The following ZNF677 variants were observed in gnomAD, a reference collection of about 807,000 sequenced individuals.
ZNF677 encodes hypothetical protein MGC48625.
A neutral mutation model predicts 8.1 loss-of-function variants in ZNF677; 5 were observed. That is an observed-to-expected ratio of 0.62 (90% CI 0.32 to 1.29). ZNF677 has a LOEUF of 1.29. Among genes scored for constraint, ZNF677 ranks in the 50% most tolerant of loss-of-function variants. ZNF677 has a pLI of 0.05. For synonymous variants in ZNF677, 221 were observed against 225.6 expected (o/e 0.98, Z 0.18); for missense variants, 685 against 685.9 (o/e 1.00, Z 0.01).
intron 4 of ZNF677, chr19:53,243,501 G>A (rs1008921975): frequency 1.1e-5 from 6 of 535,620 alleles, no homozygotes; most frequent in African/African-American, 2.0e-5. Flanking sequence ...ACTTTAAAAC[G>A]TTTTCCATAA....
chr19:53,238,677 TCAACTGTCTTTAAACGTTTAA>T (rs2146931908), intron 4 of ZNF677, 120 bp from the exon 5 acceptor site: 1 of 944,848 alleles, frequency 1.1e-6, no homozygotes, highest in South Asian at 2.0e-5. Context: ...ATGAAGCTTC[TCAACTGTCTTTAAACGTTTAA>T]CAACACAAAG....
intron 4 of ZNF677, 99 bp from the exon 5 acceptor site, chr19:53,238,656 T>C: frequency 8.6e-7 from 1 of 1,166,510 alleles, no homozygotes; most frequent in East Asian, 2.6e-5. Flanking sequence ...AGATTTACAA[T>C]GAACAGAGTT....
At chr19:53,249,606 T>C (rs1266355690) in intron 3 of ZNF677, 1 of 152,200 alleles carries the variant, frequency 6.6e-6, no homozygotes, top group Non-Finnish European at 1.5e-5. Flanking sequence ...TTCTCTTCCA[T>C]TGAAAAGAAT....
At position 53,237,587 on chromosome 19, in the gene ZNF677, A is replaced by C. The variant is rs769589020; in HGVS notation, c.1140T>G (p.Cys380Trp). 1.9e-6 allele frequency: 3 copies of C among 1,613,806 alleles called. No homozygotes were observed. Among genetic ancestry groups the C allele is most frequent in the Non-Finnish European group, 2.5e-6 (3 of 1,179,886 alleles). ...TGEKPYKCNE[C>W]DKAFAERSSL... ...TTGAACGTTCAGCAAAGGCTTTGTCACATTCATTACATTTGTAAGGTTTCT... is the reference window on the plus strand; with the variant it reads ...TTGAACGTTCAGCAAAGGCTTTGTCCCATTCATTACATTTGTAAGGTTTCT... Residue 380 changes from cysteine (C) to tryptophan (W), a missense_variant, in exon 5 of 5, where the codon TGT (cysteine) becomes TGG (tryptophan). By Grantham distance (215) the Cys-to-Trp change is radical. Transcript: ENST00000598513.
At position 53,235,393 on chromosome 19, in the gene ZNF677, A is replaced by G. The variant is rs2090964891; in HGVS notation, c.*1579T>C. On this transcript the variant is annotated 3_prime_UTR_variant, in exon 5 of 5. Transcript: ENST00000598513. Reference sequence around the variant, plus strand: ...GGCACACGATTCATTCAGGGTTACTAAAAATGATTATATTTTACTAATTAA... The same window carrying G: ...GGCACACGATTCATTCAGGGTTACTGAAAATGATTATATTTTACTAATTAA... 1 of 152,174 alleles carries G rather than the reference A, an allele frequency of 6.6e-6. No individual in the cohort carries two copies. Among genetic ancestry groups the G allele is most frequent in the African/African-American group, 2.4e-5 (1 of 41,430 alleles). The allele number at this position is 152,174 out of a possible 1,614,324, so 9.4% of individuals were successfully genotyped here. A position where few individuals can be genotyped will look rare whatever the true frequency, so the allele number is the denominator to read the frequency against.
chr19:53,242,489 G>C (rs2091068617), intron 4 of ZNF677: 3 of 398,186 alleles, frequency 7.5e-6, no homozygotes, highest in Non-Finnish European at 1.3e-5. Context: ...TCAAAAAGAG[G>C]ATCTCTCTGT....
Position 53,237,108 on chromosome 19 carries a change from T to C in ZNF677, c.1619A>G (p.Lys540Arg), listed in dbSNP as rs753393628. 2.5e-6 allele frequency: 4 copies of C among 1,613,950 alleles called. No individual in the cohort carries two copies. The highest frequency in any genetic ancestry group is 2.2e-5 in the East Asian group (1 of 44,868). Reference sequence around the variant, plus strand: ...ATGTATATTATGTTTACAATGTTTCTTTTCAATGTGTATTTTCTGGTGTCT... The same window carrying C: ...ATGTATATTATGTTTACAATGTTTCCTTTCAATGTGTATTTTCTGGTGTCT... ...LTRHQKIHIE[K>R]KHCKHNIHGN... Residue 540 changes from lysine (K) to arginine (R), a missense_variant, in exon 5 of 5, where the codon AAG becomes AGG. Coordinates refer to ENST00000598513, the MANE Select transcript of ZNF677 (RefSeq NM_182609.4).
chr19:53,237,881 CTGA>C lies in ZNF677; in HGVS notation c.843_845del (p.His281del), dbSNP rs772042574. 1.8e-5 allele frequency: 29 copies of C among 1,613,424 alleles called. No individual in the cohort carries two copies. Among genetic ancestry groups the C allele is most frequent in the Admixed American group, 1.0e-4 (6 of 59,992 alleles). On this transcript the variant is annotated inframe_deletion, in exon 5 of 5. Coordinates refer to ENST00000598513, the MANE Select transcript of ZNF677 (RefSeq NM_182609.4). ...AAGGTCTCTGTCCAGAGTGAATTCT[CTGA>C]TGATTAGTGAGGTTCGAACTTTTGC... is the stretch of plus-strand genomic sequence containing the variant.
At chr19:53,251,418 T>C (rs2091231363) in intron 3 of ZNF677, 118 bp downstream of exon 3, 1 of 791,500 alleles carries the variant, frequency 1.3e-6, no homozygotes, top group African/African-American at 1.7e-5. Context: ...GGGAAAGCCC[T>C]GGGTGTGAAT....
chr19:53,242,300 G>T (rs1599918254), intron 4 of ZNF677: 2 of 398,550 alleles, frequency 5.0e-6, no homozygotes, highest in East Asian at 7.1e-5. Context: ...GAAGACTAAG[G>T]TCTCCCTAAG....
At chr19:53,254,237 CCT>C (rs1477799859) in intron 1 of ZNF677, among the ~76,000 whole-genome samples, 1 of 151,416 alleles carries the variant, frequency 6.6e-6, no homozygotes, top group Non-Finnish European at 1.5e-5. Flanking sequence ...TTTTTTTCCC[CCT>C]CTCTATAAAT....
chr19:53,242,136 T>C (rs947133595), intron 4 of ZNF677: 2 of 395,836 alleles, frequency 5.1e-6, no homozygotes, highest in African/African-American at 2.1e-5. Context: ...TTTTCCATGT[T>C]AGTCAGGCTG....
chr19:53,237,481 A>G lies in ZNF677; in HGVS notation c.1246T>C (p.Ser416Pro). ...ATATTCTGATGCCTAGTGAGATGTG[A>G]GCACTGCTTAAAAGCTTTGCCACAC... Reference protein sequence around the residue: ...NECGKAFKQCSHLTRHQNIHP... With the variant: ...NECGKAFKQCPHLTRHQNIHP... The change falls in exon 5 of 5, where the codon TCA (serine) becomes CCA (proline). Residue 416 changes from serine (S) to proline (P), a missense_variant. Ser to Pro is a moderately conservative substitution (Grantham distance 74, BLOSUM62 -1). Coordinates refer to ENST00000598513, the MANE Select transcript of ZNF677 (RefSeq NM_182609.4). 2 of 1,613,712 alleles carry G rather than the reference A, an allele frequency of 1.2e-6. No homozygotes were observed. The highest frequency in any genetic ancestry group is 1.7e-6 in the Non-Finnish European group (2 of 1,179,844).
chr19:53,251,889 T>C (rs946452719), intron 2 of ZNF677, among the ~76,000 whole-genome samples: 3 of 152,230 alleles, frequency 2.0e-5, no homozygotes, highest in African/African-American at 7.2e-5. Flanking sequence ...AAAACTGTTG[T>C]GTCCAAGTTC....
intron 4 of ZNF677, chr19:53,241,657 C>CCA: frequency 5.2e-6 from 2 of 387,024 alleles, no homozygotes; most frequent in Non-Finnish European, 9.1e-6. Flanking sequence ...TCCACAGAAA[C>CCA]CAGAAGGTCA....
chr19:53,244,590 G>A (rs1344282350), intron 3 of ZNF677, among the ~76,000 whole-genome samples: 3 of 152,098 alleles, frequency 2.0e-5, no homozygotes, highest in African/African-American at 4.8e-5. Flanking sequence ...ACTAATGAAG[G>A]AAATTAAAGC....
chr19:53,241,001 AT>A (rs1301197181), intron 4 of ZNF677: 1 of 152,156 alleles, frequency 6.6e-6, no homozygotes, highest in Non-Finnish European at 1.5e-5. Flanking sequence ...TAGAAAGTCT[AT>A]TTTTAAAAAG....
chr19:53,254,670 A>G (rs950278769), intron 1 of ZNF677, 164 bp downstream of exon 1: 2 of 151,938 alleles, frequency 1.3e-5, no homozygotes, highest in South Asian at 2.1e-4. Context: ...AGATCTCTAG[A>G]CCCTCTCGGA....
intron 3 of ZNF677, among the ~76,000 whole-genome samples, chr19:53,247,540 T>C (rs896545062): frequency 1.3e-5 from 2 of 152,244 alleles, no homozygotes; most frequent in African/African-American, 4.8e-5. Context: ...CTTTATTTCC[T>C]TACTAATCTT....
Sources: gnomAD v4.1 joint callset for allele counts (sites outside exome capture counted in the v4.1 genomes callset) on GRCh38, gnomAD v4.1.1 for gene constraint, MANE v1.5 for transcripts, NCBI Gene and HGNC (gene_info 2026-07-23, HGNC 2026-07-21) for gene names.